The following DMD variants were observed in gnomAD, a reference collection of about 807,000 sequenced individuals.
The protein encoded by DMD is mutant dystrophin.
DMD carries 63 observed loss-of-function variants against 330.1 expected under a neutral mutation model. The observed-to-expected ratio is 0.19, with a 90% CI of 0.16 to 0.24. The LOEUF (loss-of-function observed/expected upper bound fraction) is 0.24, where lower values mean the gene tolerates loss of function less well. DMD is among the 10% of genes least tolerant of loss of function. The pLI, the probability that DMD is intolerant of heterozygous loss-of-function variation, is 1.00. For missense variants in DMD, 3,344 were observed against 2,684.1 expected (o/e 1.25, Z -5.43); for synonymous variants, 1,223 against 959.8 (o/e 1.27, Z -5.07).
chrX:32,741,182 A>T (rs1234785546), intron 7 of DMD, among the ~76,000 whole-genome samples: 1 of 111,581 alleles, frequency 9.0e-6, no homozygotes, highest in Non-Finnish European at 1.9e-5. Context: ...GGACATAGCT[A>T]ATCACACGGA....
chrX:32,106,736 T>C (rs1603625723), intron 44 of DMD, among the ~76,000 whole-genome samples: 2 of 112,140 alleles, frequency 1.8e-5, no homozygotes, highest in African/African-American at 6.5e-5. Context: ...TACATATCTG[T>C]ATTTTTCACC....
At chrX:31,148,466 G>A (rs1032997887) in intron 74 of DMD, among the ~76,000 whole-genome samples, 2 of 111,950 alleles carry the variant, frequency 1.8e-5, no homozygotes, top group Admixed American at 1.9e-4. Context: ...GGACATTTAG[G>A]TTGTTTCCAA....
At chrX:31,414,105 C>T (rs942242394) in intron 60 of DMD, among the ~76,000 whole-genome samples, 1 of 111,555 alleles carries the variant, frequency 9.0e-6, no homozygotes, top group Non-Finnish European at 1.9e-5. Flanking sequence ...CCTTAGCCCC[C>T]TGGGTTCCAG....
At position 32,816,343 on chromosome X, in the gene DMD, G is replaced by A. The variant is rs183154979; in HGVS notation, c.530+125C>T. The A allele has an allele frequency of 8.8e-5, 62 of 706,317 alleles. No individual in the cohort carries two copies. In the Admixed American group the frequency reaches 1.3e-3, roughly 14 times the overall value. 58.2% of individuals were successfully genotyped at this position (706,317 alleles called of 1,213,427 possible). ...CATTCCAATGGAACGTTAGATCAAT[G>A]TGGTCAATGTACATAACATGTTGTA... On this transcript the variant is annotated intron_variant, in intron 6 of 78. Transcript: ENST00000357033.
At chrX:31,678,627 G>A (rs1380421625) in intron 53 of DMD, among the ~76,000 whole-genome samples, 1 of 111,447 alleles carries the variant, frequency 9.0e-6, no homozygotes, top group Non-Finnish European at 1.9e-5. Context: ...GAGCTGGGCT[G>A]GAGGTAAGAG....
At chrX:32,178,858 T>C (rs1261305435) in intron 44 of DMD, among the ~76,000 whole-genome samples, 1 of 108,794 alleles carries the variant, frequency 9.2e-6, no homozygotes, top group East Asian at 2.9e-4. Flanking sequence ...TGTGTGTGTG[T>C]GTGTGTACAC....
intron 25 of DMD, among the ~76,000 whole-genome samples, chrX:32,461,341 G>C (rs1229230728): frequency 9.0e-6 from 1 of 110,755 alleles, no homozygotes; most frequent in African/African-American, 3.3e-5. Context: ...GAGCGCCATT[G>C]TTCCTTCCTT....
intron 7 of DMD, among the ~76,000 whole-genome samples, chrX:32,779,435 AATC>A (rs1198491328): frequency 1.8e-5 from 2 of 110,766 alleles, no homozygotes; most frequent in African/African-American, 6.6e-5. Context: ...ATGTTTAATA[AATC>A]ATCTACATAT....
intron 44 of DMD, among the ~76,000 whole-genome samples, chrX:32,095,937 G>T (rs1462420917): frequency 1.8e-5 from 2 of 109,454 alleles, no homozygotes; most frequent in African/African-American, 6.7e-5. Context: ...TTAAGTTTTA[G>T]GGTTCATGTG....
intron 42 of DMD, among the ~76,000 whole-genome samples, chrX:32,306,563 C>T (rs2097540998): frequency 9.0e-6 from 1 of 111,645 alleles, no homozygotes; most frequent in Non-Finnish European, 1.9e-5. Context: ...CCAAACAAGG[C>T]ATCTGTACTA....
chrX:32,780,927 TA>T (rs2074664255), intron 7 of DMD, among the ~76,000 whole-genome samples: 1 of 99,827 alleles, frequency 1.0e-5, no homozygotes, highest in Non-Finnish European at 1.9e-5. Context: ...CCGTCTCTAC[TA>T]AAAATAAAAA....
intron 53 of DMD, among the ~76,000 whole-genome samples, chrX:31,667,137 T>A (rs2081476575): frequency 8.9e-6 from 1 of 111,785 alleles, no homozygotes; most frequent in African/African-American, 3.2e-5. Context: ...ATTCTCCTCC[T>A]CCTTCAGTCT....
intron 1 of DMD, among the ~76,000 whole-genome samples, chrX:33,078,875 A>C (rs1053514719): frequency 8.9e-6 from 1 of 111,978 alleles, no homozygotes; most frequent in African/African-American, 3.2e-5. Context: ...TGGAACACAC[A>C]CTAATAACAT....
intron 12 of DMD, among the ~76,000 whole-genome samples, chrX:32,604,011 C>T (rs750992248): frequency 4.5e-5 from 5 of 111,134 alleles, no homozygotes; most frequent in Non-Finnish European, 9.5e-5. Context: ...AAGCCAGTAT[C>T]ACCATGATAC....
At chrX:32,290,657 C>T (rs1213552965) in intron 42 of DMD, among the ~76,000 whole-genome samples, 1 of 112,185 alleles carries the variant, frequency 8.9e-6, no homozygotes, top group African/African-American at 3.2e-5. Flanking sequence ...CTAAATTATA[C>T]ATAAGGTCCA....
At chrX:32,028,829 C>A (rs1186811933) in intron 44 of DMD, among the ~76,000 whole-genome samples, 1 of 110,766 alleles carries the variant, frequency 9.0e-6, no homozygotes, top group Admixed American at 9.6e-5. Context: ...TTTTTTTGTG[C>A]AGTGTTATAA....
At chrX:31,384,143 G>A (rs780860725) in intron 60 of DMD, among the ~76,000 whole-genome samples, 1 of 111,588 alleles carries the variant, frequency 9.0e-6, no homozygotes, top group African/African-American at 3.3e-5. Context: ...TCCTGCTGGC[G>A]CCCAAAAGCA....
In DMD at chrX:31,374,600, C is replaced by G. The variant is rs758723342; in HGVS notation, c.9085-25966G>C. On this transcript the variant is annotated intron_variant, in intron 60 of 78. Coordinates refer to ENST00000357033, the MANE Select transcript of DMD (RefSeq NM_004006.3). ...AAAGACCAAACACCGCATGTTCTCACTCATAGGTGGGAATTGAACAATGAG... is the reference window on the plus strand; with the variant it reads ...AAAGACCAAACACCGCATGTTCTCAGTCATAGGTGGGAATTGAACAATGAG... Among the ~76,000 whole-genome samples, 6 of 95,618 alleles carry G rather than the reference C, an allele frequency of 6.3e-5. No individual in the cohort carries two copies. The South Asian group carries it at 3.5e-3, about 55-fold the overall frequency. The allele number at this position is 95,618 out of a possible 115,157, so 83.0% of individuals were successfully genotyped here. A position where few individuals can be genotyped will look rare whatever the true frequency, so the allele number is the denominator to read the frequency against.
intron 7 of DMD, among the ~76,000 whole-genome samples, chrX:32,727,460 C>T (rs756087400): frequency 9.0e-6 from 1 of 110,975 alleles, no homozygotes; most frequent in Non-Finnish European, 1.9e-5. Flanking sequence ...AATTCATTTA[C>T]TAGAGTCCTG....
Sources: allele counts gnomAD v4.1 joint callset (sites outside exome capture counted in the v4.1 genomes callset), GRCh38; gene constraint gnomAD v4.1.1; transcripts MANE v1.5; gene names NCBI Gene and HGNC (gene_info 2026-07-23, HGNC 2026-07-21).